The following LUZP2 variants were observed in gnomAD, a reference collection of about 807,000 sequenced individuals.
The protein encoded by LUZP2 is leucine zipper protein 2.
Under a neutral mutation model 51.6 loss-of-function variants are expected in LUZP2, and 52 were observed. That is an observed-to-expected ratio of 1.01 (90% CI 0.81 to 1.27). LUZP2 has a LOEUF of 1.27. Among genes scored for constraint, LUZP2 ranks in the 50% most tolerant of loss-of-function variants. LUZP2 has a pLI of 0.00. For synonymous variants in LUZP2, 154 were observed against 137.3 expected, an observed-to-expected ratio of 1.12 and a Z score of -0.85; for missense variants, 436 against 395.4, an observed-to-expected ratio of 1.10 and a Z score of -0.87.
At chr11:24,550,119 T>A (rs1054333276) in intron 1 of LUZP2, among the ~76,000 whole-genome samples, 3 of 152,062 alleles carry the variant, frequency 2.0e-5, no homozygotes, top group Non-Finnish European at 4.4e-5. Flanking sequence ...TGAATCTGTT[T>A]TACTGTTGTG....
chr11:24,998,323 A>G (rs1426902139), intron 9 of LUZP2, among the ~76,000 whole-genome samples: 2 of 152,162 alleles, frequency 1.3e-5, no homozygotes, highest in African/African-American at 4.8e-5. Flanking sequence ...TTCTCCTTGA[A>G]GAGGTCCTTC....
At chr11:25,009,189 A>C (rs79403528) in intron 9 of LUZP2, among the ~76,000 whole-genome samples, 4 of 152,322 alleles carry the variant, frequency 2.6e-5, no homozygotes, top group Admixed American at 2.6e-4. Context: ...GGACATTGCT[A>C]TGTTAAAGTA....
intron 1 of LUZP2, among the ~76,000 whole-genome samples, chr11:24,547,627 G>A (rs1457007502): frequency 6.6e-6 from 1 of 152,070 alleles, no homozygotes; most frequent in East Asian, 1.9e-4. Flanking sequence ...AACCCTAGAA[G>A]AAAACATAGG....
At chr11:24,804,167 A>T (rs1849783144) in intron 5 of LUZP2, among the ~76,000 whole-genome samples, 1 of 152,150 alleles carries the variant, frequency 6.6e-6, no homozygotes, top group African/African-American at 2.4e-5. Flanking sequence ...TGTGCCAGGA[A>T]TGAGGCACAA....
Position 24,926,748 on chromosome 11 carries a change from G to C in LUZP2, c.522+12210G>C, listed in dbSNP as rs1854286504. Among the ~76,000 whole-genome samples the C allele has an allele frequency of 2.0e-5, 3 of 150,812 alleles. No homozygotes were observed. In the South Asian group the frequency reaches 6.3e-4, roughly 31 times the overall value. On this transcript the variant is annotated intron_variant, in intron 7 of 11. Transcript: ENST00000336930. ...ATAATGACTTCTTTTCCTGTGGTTA[G>C]ATGCCCAGGGGTGGGATTGCTGGAT...
intron 5 of LUZP2, among the ~76,000 whole-genome samples, chr11:24,896,788 T>C (rs953000621): frequency 6.6e-6 from 1 of 152,202 alleles, no homozygotes; most frequent in African/African-American, 2.4e-5. Flanking sequence ...TGGAGAACTT[T>C]TGTGGCTAGC....
intron 1 of LUZP2, among the ~76,000 whole-genome samples, chr11:24,518,229 AG>A (rs1458699755): frequency 2.0e-5 from 3 of 152,210 alleles, no homozygotes. Context: ...TTTAAAGCTT[AG>A]CTAAGTTAAG....
chr11:24,766,439 C>T (rs1401290951), intron 5 of LUZP2, among the ~76,000 whole-genome samples: 8 of 152,138 alleles, frequency 5.3e-5, no homozygotes, highest in African/African-American at 1.9e-4. Flanking sequence ...AATACAAGGA[C>T]ATAAGAAAAA....
rs113789395 is a variant in LUZP2, at chr11:24,646,035, T to A, written c.63-83134T>A. ...ACCTCACTCTGCCTCTCATGAGTTGTGTGGTCTTAGGTTGGTTACAGTTCT... is the reference window on the plus strand; with the variant it reads ...ACCTCACTCTGCCTCTCATGAGTTGAGTGGTCTTAGGTTGGTTACAGTTCT... On this transcript the variant is annotated intron_variant, in intron 1 of 11. Coordinates refer to ENST00000336930, the MANE Select transcript of LUZP2 (RefSeq NM_001009909.4). Among the ~76,000 whole-genome samples the A allele has an allele frequency of 8.9e-3, 1,356 of 152,164 alleles. 18 individuals are homozygous for A. Among genetic ancestry groups the A allele is most frequent in the African/African-American group, 0.031 (1,273 of 41,536 alleles).
intron 5 of LUZP2, among the ~76,000 whole-genome samples, chr11:24,770,944 A>G (rs1370938239): frequency 3.1e-5 from 3 of 96,516 alleles, no homozygotes; most frequent in Non-Finnish European, 7.9e-5. Context: ...CTGCCACTGC[A>G]GGCTCCAGCA....
chr11:24,909,331 A>T (rs907432779), intron 6 of LUZP2, among the ~76,000 whole-genome samples: 1 of 151,976 alleles, frequency 6.6e-6, no homozygotes, highest in Non-Finnish European at 1.5e-5. Context: ...CACTTTAATT[A>T]TGTTTTAAAA....
chr11:24,986,545 GT>G (rs1480517822), intron 9 of LUZP2, among the ~76,000 whole-genome samples: 4 of 150,558 alleles, frequency 2.7e-5, no homozygotes, highest in Non-Finnish European at 5.9e-5. Context: ...CTCTGTGTGT[GT>G]GTGTGTGTGT....
At chr11:24,998,240 T>A (rs1400655920) in intron 9 of LUZP2, among the ~76,000 whole-genome samples, 6 of 152,190 alleles carry the variant, frequency 3.9e-5, no homozygotes, top group Non-Finnish European at 8.8e-5. Context: ...TATCGATTCT[T>A]CCTACCCATG....
At chr11:24,897,490 C>T (rs539510152) in intron 5 of LUZP2, among the ~76,000 whole-genome samples, 14 of 152,062 alleles carry the variant, frequency 9.2e-5, no homozygotes, top group African/African-American at 2.4e-4. Context: ...CAACTCTGGA[C>T]GGGAGGAACA....
intron 7 of LUZP2, among the ~76,000 whole-genome samples, chr11:24,962,217 T>C (rs1221125355): frequency 6.6e-6 from 1 of 152,156 alleles, no homozygotes; most frequent in African/African-American, 2.4e-5. Context: ...AATTTGACAT[T>C]TATGTGTCTT....
At chr11:24,917,304 GT>G (rs1216427055) in intron 7 of LUZP2, among the ~76,000 whole-genome samples, 3 of 152,104 alleles carry the variant, frequency 2.0e-5, no homozygotes, top group African/African-American at 7.2e-5. Flanking sequence ...TTTGATGGTA[GT>G]TTATTTTTGC....
chr11:24,973,607 T>C (rs1269879294), intron 7 of LUZP2, among the ~76,000 whole-genome samples: 2 of 152,054 alleles, frequency 1.3e-5, no homozygotes, highest in African/African-American at 4.8e-5. Context: ...TTAACTTTGC[T>C]ATAGCTGCAT....
intron 1 of LUZP2, among the ~76,000 whole-genome samples, chr11:24,536,089 A>G (rs564196787): frequency 6.6e-6 from 1 of 151,742 alleles, no homozygotes; most frequent in Non-Finnish European, 1.5e-5. Context: ...AGTTCTCCAC[A>G]CAAGTCTTAA....
At chr11:24,580,299 C>T (rs1244400430) in intron 1 of LUZP2, among the ~76,000 whole-genome samples, 1 of 152,054 alleles carries the variant, frequency 6.6e-6, no homozygotes, top group Non-Finnish European at 1.5e-5. Flanking sequence ...TAAATCCTTT[C>T]TAATTGTTTC....
Sources: allele counts gnomAD v4.1 joint callset (sites outside exome capture counted in the v4.1 genomes callset), GRCh38; gene constraint gnomAD v4.1.1; transcripts MANE v1.5; gene names NCBI Gene and HGNC (gene_info 2026-07-23, HGNC 2026-07-21).